The following LUC7L3 variants were observed in gnomAD, a reference collection of about 807,000 sequenced individuals.
The protein encoded by LUC7L3 is LUC7 like 3 pre-mRNA splicing factor.
In LUC7L3, 6 loss-of-function variants were observed where a neutral mutation model predicts 66.8. The ratio of observed to expected loss-of-function variants is 0.09; its 90% CI spans 0.05 to 0.18. The LOEUF (loss-of-function observed/expected upper bound fraction) is 0.18, where lower values mean the gene tolerates loss of function less well. Ranked by LOEUF, LUC7L3 falls within the 10% of genes least tolerant of loss-of-function variation. LUC7L3 has a pLI of 1.00. For missense variants in LUC7L3, 341 were observed against 531.1 expected (o/e 0.64, Z 3.52); for synonymous variants, 160 against 174.7 (o/e 0.92, Z 0.66).
intron 1 of LUC7L3, chr17:50,723,793 C>T (rs1268624843): frequency 1.2e-5 from 4 of 339,256 alleles, no homozygotes; most frequent in African/African-American, 4.4e-5. Context: ...TGGGCCACCA[C>T]GCCCGGCTAA....
Position 50,742,217 on chromosome 17 carries a change from C to G in LUC7L3, c.426+486C>G, listed in dbSNP as rs560302919. On this transcript the variant is annotated intron_variant, in intron 5 of 9. Transcript: ENST00000505658. ...ACCTATTTGACACCTATGAGAATAGCTAAAATTAAACTGATCATACCAGCT... is the reference window on the plus strand; with the variant it reads ...ACCTATTTGACACCTATGAGAATAGGTAAAATTAAACTGATCATACCAGCT... 5.3e-5 allele frequency among the ~76,000 whole-genome samples: 8 copies of G among 152,278 alleles called. No individual in the cohort carries two copies. The South Asian group carries it at 1.7e-3, about 32-fold the overall frequency.
chr17:50,745,066 C>G (rs949181667), intron 7 of LUC7L3, among the ~76,000 whole-genome samples: 2 of 151,928 alleles, frequency 1.3e-5, no homozygotes, highest in Non-Finnish European at 2.9e-5. Context: ...CTCGGCTCAC[C>G]GCAACCTCCA....
chr17:50,740,320 A>C lies in LUC7L3; in HGVS notation c.181A>C (p.Ile61Leu). The C allele has an allele frequency of 1.9e-6, 3 of 1,607,682 alleles. No individual in the cohort carries two copies. The highest frequency in any genetic ancestry group is 8.5e-7 in the Non-Finnish European group (1 of 1,177,628). Residue 61 changes from isoleucine (I) to leucine (L), a missense_variant, in exon 3 of 10, where the codon ATT (isoleucine) becomes CTT (leucine). By Grantham distance (5) the Ile-to-Leu change is conservative (BLOSUM62 2). Transcript: ENST00000505658. ...TTTTCCCCCAGGTCCGTGTGAAAAA[A>C]TTCATGATGAAAATCTACGAAAACA... ...TRSDLGPCEK[I>L]HDENLRKQYE...
chr17:50,748,865 C>CA lies in LUC7L3; in HGVS notation c.1139-1635dup, dbSNP rs1376063436. On this transcript the variant is annotated intron_variant, in intron 9 of 9. Transcript: ENST00000505658. ...AAATAAATTAATTAAAATCAGTGTG[C>CA]AGATGAGTGAATTTAAAAAATGTAA... 9.8e-5 allele frequency among the ~76,000 whole-genome samples: 14 copies of CA among 142,482 alleles called. No homozygotes were observed. The East Asian group carries it at 2.6e-3, about 26-fold the overall frequency. 93.5% of individuals were successfully genotyped at this position (142,482 alleles called of 152,430 possible). A position where few individuals can be genotyped will look rare whatever the true frequency, so the allele number is the denominator to read the frequency against.
At chr17:50,728,737 A>G (rs1969368556) in intron 1 of LUC7L3, among the ~76,000 whole-genome samples, 1 of 152,160 alleles carries the variant, frequency 6.6e-6, no homozygotes, top group African/African-American at 2.4e-5. Context: ...TATTTTTAGT[A>G]GAGACGGCGT....
chr17:50,721,834 G>A (rs2146679588), intron 1 of LUC7L3, among the ~76,000 whole-genome samples: 1 of 151,282 alleles, frequency 6.6e-6, no homozygotes, highest in African/African-American at 2.4e-5. Flanking sequence ...TTGCATTCCT[G>A]TTCTATCTGG....
At chr17:50,741,599 T>G (rs1363221196) in intron 4 of LUC7L3, 58 bp from the exon 5 acceptor site, 1 of 1,063,774 alleles carries the variant, frequency 9.4e-7, no homozygotes, top group Non-Finnish European at 1.4e-6. Flanking sequence ...TATGTGCAAG[T>G]TTGCATGTTT....
At chr17:50,741,020 T>A in intron 3 of LUC7L3, 82 bp from the exon 4 acceptor site, 2 of 1,361,494 alleles carry the variant, frequency 1.5e-6, no homozygotes, top group Non-Finnish European at 2.1e-6. Context: ...GGAATAGTCG[T>A]TGAGGCTAGT....
chr17:50,744,642 A>T lies in LUC7L3; in HGVS notation c.532-10A>T. The T allele has an allele frequency of 1.2e-6, 2 of 1,602,664 alleles. No individual in the cohort carries two copies. The highest frequency in any genetic ancestry group is 1.7e-6 in the Non-Finnish European group (2 of 1,176,210). On this transcript the variant is annotated splice_polypyrimidine_tract_variant and intron_variant, in intron 6 of 9. Transcript: ENST00000505658. Reference sequence around the variant, plus strand: ...CAGATGTTCTTAAAATAACTGATTTATCATTTTAGACAATTGAAAGCTTTG... The same window carrying T: ...CAGATGTTCTTAAAATAACTGATTTTTCATTTTAGACAATTGAAAGCTTTG...
chr17:50,750,808 C>T lies in LUC7L3; in HGVS notation c.*147C>T, dbSNP rs1412903991. The T allele has an allele frequency of 3.2e-6, 5 of 1,555,142 alleles. No individual in the cohort carries two copies. The highest frequency in any genetic ancestry group is 4.3e-6 in the Non-Finnish European group (5 of 1,153,030). ...GCCGAGTAAGAAGACATACAAAAGC[C>T]TCTTCTGAAGGAAAAGACAGTGTAG... is the stretch of plus-strand genomic sequence containing the variant. On this transcript the variant is annotated 3_prime_UTR_variant, in exon 10 of 10. Coordinates refer to ENST00000505658, the MANE Select transcript of LUC7L3 (RefSeq NM_016424.5).
At chr17:50,735,299 T>G (rs1019332958) in intron 1 of LUC7L3, among the ~76,000 whole-genome samples, 1 of 151,828 alleles carries the variant, frequency 6.6e-6, no homozygotes, top group Non-Finnish European at 1.5e-5. Context: ...TATTTAGATA[T>G]GTTTTATGAC....
Position 50,751,916 on chromosome 17 carries a change from A to G in LUC7L3, c.*1255A>G. 9.7e-7 allele frequency: 1 copy of G among 1,029,906 alleles called. No homozygotes were observed. Among genetic ancestry groups the G allele is most frequent in the African/African-American group, 1.7e-5 (1 of 57,778 alleles). 63.8% of individuals were successfully genotyped at this position (1,029,906 alleles called of 1,614,324 possible). A position where few individuals can be genotyped will look rare whatever the true frequency, so the allele number is the denominator to read the frequency against. On this transcript the variant is annotated 3_prime_UTR_variant, in exon 10 of 10. Coordinates refer to ENST00000505658, the MANE Select transcript of LUC7L3 (RefSeq NM_016424.5). ...CTGTGGGCTAGTGGTGTGGGACAAA[A>G]TATTCCTAATGAAAGGAAGTACCAA... is the stretch of plus-strand genomic sequence containing the variant.
intron 2 of LUC7L3, among the ~76,000 whole-genome samples, 197 bp from the exon 3 acceptor site, chr17:50,740,109 G>C (rs546155512): frequency 6.6e-6 from 1 of 152,126 alleles, no homozygotes; most frequent in South Asian, 2.1e-4. Context: ...TGACTTTGAA[G>C]ACTGAGCAGA....
chr17:50,748,017 T>A (rs1285784822), intron 9 of LUC7L3, among the ~76,000 whole-genome samples: 1 of 152,210 alleles, frequency 6.6e-6, no homozygotes, highest in Non-Finnish European at 1.5e-5. Flanking sequence ...GAGCCAGGTA[T>A]GACTGTCAGG....
intron 1 of LUC7L3, among the ~76,000 whole-genome samples, chr17:50,732,021 G>T (rs896165601): frequency 6.6e-6 from 1 of 152,114 alleles, no homozygotes; most frequent in Non-Finnish European, 1.5e-5. Flanking sequence ...AGCTGCTGGC[G>T]TCAAGACAAG....
chr17:50,740,744 G>C (rs1970297703), intron 3 of LUC7L3, among the ~76,000 whole-genome samples: 1 of 152,170 alleles, frequency 6.6e-6, no homozygotes, highest in Non-Finnish European at 1.5e-5. Context: ...ATTTTTAGTA[G>C]AGACAGGGTT....
At chr17:50,729,182 A>G (rs1567859803) in intron 1 of LUC7L3, among the ~76,000 whole-genome samples, 3 of 151,436 alleles carry the variant, frequency 2.0e-5, no homozygotes. Context: ...TTTAAGAAAG[A>G]TGAATAAAAG....
intron 2 of LUC7L3, among the ~76,000 whole-genome samples, chr17:50,739,870 T>G: frequency 6.6e-6 from 1 of 152,206 alleles, no homozygotes; most frequent in East Asian, 1.9e-4. Context: ...AGAGTTAAGA[T>G]AATTGCTTTT....
chr17:50,723,280 AGCCT>A (rs1968913301), intron 1 of LUC7L3: 1 of 152,248 alleles, frequency 6.6e-6, no homozygotes, highest in Non-Finnish European at 1.5e-5. Flanking sequence ...ATCAAACTCA[AGCCT>A]ACCCTTCCTT....
Sources: allele counts gnomAD v4.1 joint callset (sites outside exome capture counted in the v4.1 genomes callset), GRCh38; gene constraint gnomAD v4.1.1; transcripts MANE v1.5; gene names NCBI Gene and HGNC (gene_info 2026-07-23, HGNC 2026-07-21).